Variants in IGSF21 observed in about 807,000 individuals in gnomAD.
The protein encoded by IGSF21 is immunoglobulin superfamily member 21.
A neutral mutation model predicts 46.8 loss-of-function variants in IGSF21; 28 were observed. The ratio of observed to expected loss-of-function variants is 0.60; its 90% CI spans 0.44 to 0.82. The LOEUF (loss-of-function observed/expected upper bound fraction) is 0.82, where lower values mean the gene tolerates loss of function less well. IGSF21 is among the 40% of genes least tolerant of loss of function. The pLI is 0.00. For synonymous variants in IGSF21, 284 were observed against 273.6 expected, an observed-to-expected ratio of 1.04 and a Z score of -0.38; for missense variants, 624 against 665.5, an observed-to-expected ratio of 0.94 and a Z score of 0.69.
chr1:18,160,658 G>C (rs547686407), intron 1 of IGSF21, among the ~76,000 whole-genome samples: 83 of 152,208 alleles, frequency 5.5e-4, no homozygotes, highest in African/African-American at 1.7e-3. Context: ...TCGGTGTGAC[G>C]ATGGCTGCTC....
At chr1:18,136,067 G>A (rs1398053609) in intron 1 of IGSF21, among the ~76,000 whole-genome samples, 1 of 152,186 alleles carries the variant, frequency 6.6e-6, no homozygotes, top group Non-Finnish European at 1.5e-5. Flanking sequence ...CTTCTTTTGA[G>A]GAATGTCTGT....
At chr1:18,171,016 T>C (rs1317676300) in intron 1 of IGSF21, among the ~76,000 whole-genome samples, 1 of 151,500 alleles carries the variant, frequency 6.6e-6, no homozygotes, top group Non-Finnish European at 1.5e-5. Flanking sequence ...ACAGCAGACA[T>C]GCAGGCCCGT....
chr1:18,108,963 G>T (rs971013191), intron 1 of IGSF21, among the ~76,000 whole-genome samples: 1 of 123,916 alleles, frequency 8.1e-6, no homozygotes, highest in Non-Finnish European at 1.7e-5. Context: ...CGCTTCCGGG[G>T]CTGGGGAGTT....
chr1:18,354,812 G>A (rs985752674), intron 4 of IGSF21, among the ~76,000 whole-genome samples: 1 of 152,212 alleles, frequency 6.6e-6, no homozygotes, highest in Non-Finnish European at 1.5e-5. Context: ...AGAGAGGGGC[G>A]TGGGCCATTG....
chr1:18,139,686 C>T (rs2086397344), intron 1 of IGSF21, among the ~76,000 whole-genome samples: 1 of 152,184 alleles, frequency 6.6e-6, no homozygotes, highest in Non-Finnish European at 1.5e-5. Flanking sequence ...TATCTGGATG[C>T]CCTAGGCTTC....
intron 1 of IGSF21, among the ~76,000 whole-genome samples, chr1:18,137,823 C>T (rs757984084): frequency 3.3e-5 from 5 of 152,016 alleles, no homozygotes; most frequent in African/African-American, 4.8e-5. Context: ...GTCTTCTAAG[C>T]GCTTATAAAT....
rs10601446 is a variant in IGSF21 at position 18,208,548 on chromosome 1, A to AT, written c.71-19328dup. Among the ~76,000 whole-genome samples, 250 of 85,830 alleles carry AT rather than the reference A, an allele frequency of 2.9e-3. 1 individual carries two copies. The highest frequency in any genetic ancestry group is 0.01 in the African/African-American group (232 of 22,106). 56.3% of individuals were successfully genotyped at this position (85,830 alleles called of 152,430 possible). A position where few individuals can be genotyped will look rare whatever the true frequency, so the allele number is the denominator to read the frequency against. On this transcript the variant is annotated intron_variant, in intron 1 of 9. Transcript: ENST00000251296. ...AGGAGCCCACCATCAAGCCCAGCTAATTTTTTTTTTTTTTTTTTTTTTGTA... is the reference window on the plus strand; with the variant it reads ...AGGAGCCCACCATCAAGCCCAGCTAATTTTTTTTTTTTTTTTTTTTTTTGTA...
chr1:18,256,899 G>A (rs1054136231), intron 2 of IGSF21, among the ~76,000 whole-genome samples: 7 of 152,158 alleles, frequency 4.6e-5, no homozygotes, highest in East Asian at 3.9e-4. Context: ...CCCAGTTGCC[G>A]GCAAGCGGAC....
chr1:18,368,139 C>G (rs1249556582), intron 6 of IGSF21, among the ~76,000 whole-genome samples: 1 of 152,030 alleles, frequency 6.6e-6, no homozygotes, highest in Non-Finnish European at 1.5e-5. Context: ...GCCTCTCACT[C>G]TGCCTCCTCA....
chr1:18,165,380 T>C (rs769914568), intron 1 of IGSF21, among the ~76,000 whole-genome samples: 1 of 152,182 alleles, frequency 6.6e-6, no homozygotes, highest in Non-Finnish European at 1.5e-5. Context: ...TGCATGGCAA[T>C]TTCTGGTGTC....
At chr1:18,198,955 G>T (rs1327170594) in intron 1 of IGSF21, among the ~76,000 whole-genome samples, 1 of 151,932 alleles carries the variant, frequency 6.6e-6, no homozygotes, top group Non-Finnish European at 1.5e-5. Context: ...ATGGTGGCAG[G>T]TTCCATGGGC....
chr1:18,251,957 C>G (rs2084845661), intron 2 of IGSF21, among the ~76,000 whole-genome samples: 1 of 150,162 alleles, frequency 6.7e-6, no homozygotes, highest in Non-Finnish European at 1.5e-5. Flanking sequence ...ACACCTTAAT[C>G]TTTCTTTACA....
chr1:18,198,029 ACAG>A (rs2087026899), intron 1 of IGSF21, among the ~76,000 whole-genome samples: 1 of 152,256 alleles, frequency 6.6e-6, no homozygotes, highest in African/African-American at 2.4e-5. Flanking sequence ...TGCTTGGCAC[ACAG>A]CAGTTTCTTA....
At chr1:18,176,765 A>G (rs1316614419) in intron 1 of IGSF21, among the ~76,000 whole-genome samples, 1 of 152,172 alleles carries the variant, frequency 6.6e-6, no homozygotes, top group Non-Finnish European at 1.5e-5. Flanking sequence ...CAAGGAAACA[A>G]TGTTACAAGT....
intron 4 of IGSF21, among the ~76,000 whole-genome samples, chr1:18,345,771 C>T (rs746362508): frequency 6.6e-6 from 1 of 152,136 alleles, no homozygotes; most frequent in African/African-American, 2.4e-5. Flanking sequence ...CTTCTAAGGT[C>T]GATTCTGTGA....
intron 1 of IGSF21, among the ~76,000 whole-genome samples, chr1:18,163,701 G>A (rs2086650372): frequency 6.6e-6 from 1 of 152,174 alleles, no homozygotes; most frequent in Non-Finnish European, 1.5e-5. Flanking sequence ...CAGCATTGGT[G>A]GGTGGGAAAA....
rs1267991290 is a variant in IGSF21, at chr1:18,109,112, G to A, written c.70+914G>A. On this transcript the variant is annotated intron_variant, in intron 1 of 9. Transcript: ENST00000251296. The surrounding 1 kb of genome is among the most constrained non-coding windows in gnomAD (Gnocchi z 4.8). ...GGAGCCAGTGAGAGGTGGCTCCGCA[G>A]CCCCAGGGTCCGCGGCCGGCCTCCC... Among the ~76,000 whole-genome samples the A allele has an allele frequency of 6.6e-6, 1 of 151,928 alleles. No individual in the cohort carries two copies. The highest frequency in any genetic ancestry group is 2.4e-5 in the African/African-American group (1 of 41,380).
At chr1:18,374,131 C>T (rs2086256137) in intron 6 of IGSF21, among the ~76,000 whole-genome samples, 1 of 152,186 alleles carries the variant, frequency 6.6e-6, no homozygotes, top group Non-Finnish European at 1.5e-5. Flanking sequence ...ACCTGAAGAA[C>T]GTAAAGAGCC....
At chr1:18,282,285 C>T (rs950763341) in intron 2 of IGSF21, among the ~76,000 whole-genome samples, 1 of 152,108 alleles carries the variant, frequency 6.6e-6, no homozygotes, top group Non-Finnish European at 1.5e-5. Context: ...GTTGGAACCT[C>T]CAGGATGGGC....
Sources: gnomAD v4.1 joint callset for allele counts (sites outside exome capture counted in the v4.1 genomes callset) on GRCh38, gnomAD v4.1.1 for gene constraint, Gnocchi (gnomAD v3.1) non-coding constraint, MANE v1.5 for transcripts, NCBI Gene and HGNC (gene_info 2026-07-23, HGNC 2026-07-21) for gene names.